Variants in PLD5 observed in about 807,000 individuals in gnomAD.
PLD5 encodes phospholipase D family member 5.
In PLD5, 36 loss-of-function variants were observed where a neutral mutation model predicts 61.1. That is an observed-to-expected ratio of 0.59 (90% CI 0.45 to 0.78). The LOEUF is 0.78. Ranked by LOEUF, PLD5 falls within the 30% of genes least tolerant of loss-of-function variation. The pLI is 0.00. For missense variants in PLD5, 515 were observed against 644.4 expected, an observed-to-expected ratio of 0.80 and a Z score of 2.17; for synonymous variants, 243 against 242.8, an observed-to-expected ratio of 1.00 and a Z score of -0.01.
intron 1 of PLD5, among the ~76,000 whole-genome samples, chr1:242,494,119 T>C (rs1344088637): frequency 1.2e-4 from 10 of 84,544 alleles, no homozygotes; most frequent in African/African-American, 4.2e-4. Context: ...TCCTCCCCTC[T>C]CCTCCCCTCT....
intron 7 of PLD5, among the ~76,000 whole-genome samples, chr1:242,108,966 C>T (rs1574310538): frequency 6.6e-6 from 1 of 152,202 alleles, no homozygotes; most frequent in Admixed American, 6.5e-5. Context: ...TTGAAAGATA[C>T]TTGCCTCTGT....
chr1:242,510,024 C>T (rs1328729657), intron 1 of PLD5, among the ~76,000 whole-genome samples: 4 of 152,198 alleles, frequency 2.6e-5, no homozygotes, highest in African/African-American at 4.8e-5. Context: ...CACCATACTT[C>T]CTTCTCTTCT....
At chr1:242,219,417 A>G (rs10926656) in intron 5 of PLD5, among the ~76,000 whole-genome samples, 46,157 of 152,000 alleles carry the variant, frequency 0.3, 7,299 homozygotes, top group East Asian at 0.53. Context: ...TAAGCATCCA[A>G]TGACTAGGAA....
In PLD5 at chr1:242,468,769, A is replaced by G. The variant is rs528121687; in HGVS notation, c.189+55319T>C. Among the ~76,000 whole-genome samples, 16 of 152,234 alleles carry G rather than the reference A, an allele frequency of 1.1e-4. No individual in the cohort carries two copies. The East Asian group carries it at 2.7e-3, about 26-fold the overall frequency. ...CATCAATTTCTTTGATGACAATGGTATTTCACAAAATAATAATAGCAATAA... is the reference window on the plus strand; with the variant it reads ...CATCAATTTCTTTGATGACAATGGTGTTTCACAAAATAATAATAGCAATAA... On this transcript the variant is annotated intron_variant, in intron 1 of 9. Coordinates refer to ENST00000536534, the MANE Select transcript of PLD5 (RefSeq NM_001372062.1).
chr1:242,528,227 A>T (rs991599379), upstream of PLD5, among the ~76,000 whole-genome samples: 5 of 152,238 alleles, frequency 3.3e-5, no homozygotes, highest in African/African-American at 1.2e-4. Context: ...TAAATGGGGA[A>T]TAATCATTGC....
chr1:242,228,783 C>A (rs961149956), intron 4 of PLD5, among the ~76,000 whole-genome samples: 1 of 151,966 alleles, frequency 6.6e-6, no homozygotes, highest in African/African-American at 2.4e-5. Context: ...AAGACACTGT[C>A]CTCGTCCTCG....
chr1:242,407,558 T>TGG (rs1664304664), intron 1 of PLD5, among the ~76,000 whole-genome samples: 3 of 115,602 alleles, frequency 2.6e-5, no homozygotes, highest in African/African-American at 1.3e-4. Flanking sequence ...TTGTGGTTGT[T>TGG]TTGTTTTTTT....
At chr1:242,426,959 G>A (rs1220438426) in intron 1 of PLD5, among the ~76,000 whole-genome samples, 5 of 152,108 alleles carry the variant, frequency 3.3e-5, no homozygotes, top group Non-Finnish European at 7.4e-5. Flanking sequence ...CCCATCCACA[G>A]ATTGGCTTGC....
rs557929658 is a variant in PLD5 at position 242,096,686 on chromosome 1, T to G, written c.1354+3982A>C. 1.2e-4 allele frequency among the ~76,000 whole-genome samples: 18 copies of G among 146,698 alleles called. No individual in the cohort carries two copies. In the East Asian group the frequency reaches 2.7e-3, roughly 22 times the overall value. ...TTGTTTGTTTTAAGTCTTTTTTGTT[T>G]TTTTTTTTTTTTAGTCTGCTAAACT... On this transcript the variant is annotated intron_variant, in intron 9 of 9. Transcript: ENST00000536534.
intron 1 of PLD5, among the ~76,000 whole-genome samples, chr1:242,354,232 C>T (rs1396865868): frequency 6.6e-6 from 1 of 152,086 alleles, no homozygotes; most frequent in Non-Finnish European, 1.5e-5. Flanking sequence ...TGACAATGAC[C>T]CAGAAGTTAC....
At chr1:242,485,497 C>G (rs1000491945) in intron 1 of PLD5, among the ~76,000 whole-genome samples, 1 of 152,126 alleles carries the variant, frequency 6.6e-6, no homozygotes, top group African/African-American at 2.4e-5. Flanking sequence ...CCTAGGAATC[C>G]AATTTACAAG....
At chr1:242,246,929 C>A (rs966780123) in intron 4 of PLD5, among the ~76,000 whole-genome samples, 3 of 151,740 alleles carry the variant, frequency 2.0e-5, no homozygotes, top group African/African-American at 7.3e-5. Context: ...AAAAGTGAGA[C>A]CCTTGAAGTG....
chr1:242,288,048 A>G (rs12123442), intron 3 of PLD5, among the ~76,000 whole-genome samples: 8,649 of 152,324 alleles, frequency 0.057, 294 homozygotes, highest in Middle Eastern at 0.11. Flanking sequence ...AGAATTCTGG[A>G]CCATGCCATT....
rs761097854 is a variant in PLD5, at chr1:242,494,863, AT to A, written c.189+29224del. Among the ~76,000 whole-genome samples the A allele has an allele frequency of 4.8e-4, 52 of 109,350 alleles. 1 individual carries two copies. Among genetic ancestry groups the A allele is most frequent in the Middle Eastern group, 5.6e-3 (1 of 180 alleles). 71.7% of individuals were successfully genotyped at this position (109,350 alleles called of 152,430 possible). ...TGAAAATTGGCTGACACAACCCCCA[AT>A]TTTTTTTTCTTTTCTGTTTTTTTTT... On this transcript the variant is annotated intron_variant, in intron 1 of 9. Transcript: ENST00000536534.
chr1:242,427,036 A>C (rs890599081), intron 1 of PLD5, among the ~76,000 whole-genome samples: 1 of 152,218 alleles, frequency 6.6e-6, no homozygotes, highest in Non-Finnish European at 1.5e-5. Flanking sequence ...AAGGAGCCTA[A>C]GTTCCTGAAT....
chr1:242,440,745 A>G (rs1042045103), intron 1 of PLD5, among the ~76,000 whole-genome samples: 1 of 152,192 alleles, frequency 6.6e-6, no homozygotes, highest in African/African-American at 2.4e-5. Context: ...CTCACAGACT[A>G]AACACAATCC....
intron 1 of PLD5, among the ~76,000 whole-genome samples, chr1:242,422,257 A>C (rs1339306147): frequency 1.3e-5 from 2 of 152,146 alleles, no homozygotes; most frequent in Non-Finnish European, 2.9e-5. Context: ...TTCCAAAGCA[A>C]ACTGCCAGAT....
At chr1:242,195,328 G>A (rs1668569527) in intron 5 of PLD5, among the ~76,000 whole-genome samples, 1 of 152,060 alleles carries the variant, frequency 6.6e-6, no homozygotes, top group Admixed American at 6.5e-5. Context: ...TGTCTCAGAG[G>A]GTAAAGAGAG....
intron 1 of PLD5, among the ~76,000 whole-genome samples, chr1:242,412,755 A>G (rs571315715): frequency 1.3e-5 from 2 of 152,328 alleles, no homozygotes; most frequent in Non-Finnish European, 2.9e-5. Flanking sequence ...GGCTATTGTA[A>G]ATGTAAAAGG....
Sources: gnomAD v4.1 joint callset for allele counts (sites outside exome capture counted in the v4.1 genomes callset) on GRCh38, gnomAD v4.1.1 for gene constraint, MANE v1.5 for transcripts, NCBI Gene and HGNC (gene_info 2026-07-23, HGNC 2026-07-21) for gene names.